Variants in SEMA3C observed in about 807,000 individuals in gnomAD.
SEMA3C encodes the protein semaphorin 3C.
SEMA3C carries 47 observed loss-of-function variants against 89.4 expected under a neutral mutation model. The ratio of observed to expected loss-of-function variants is 0.53; its 90% CI spans 0.42 to 0.67. The LOEUF (loss-of-function observed/expected upper bound fraction) is 0.67. Among genes scored for constraint, SEMA3C ranks in the 30% least tolerant of loss-of-function variants. The pLI is 0.00. For missense variants in SEMA3C, 839 were observed against 929.1 expected (o/e 0.90, Z 1.26); for synonymous variants, 310 against 320.2 (o/e 0.97, Z 0.34).
chr7:80,771,260 A>G (rs1788425871), intron 12 of SEMA3C, among the ~76,000 whole-genome samples: 1 of 152,140 alleles, frequency 6.6e-6, no homozygotes, highest in South Asian at 2.1e-4. Flanking sequence ...CTGGCCCTCA[A>G]TTTTCTCTTC....
At chr7:80,789,578 C>T in intron 11 of SEMA3C, 50 bp from the exon 12 acceptor site, 1 of 1,319,524 alleles carries the variant, frequency 7.6e-7, no homozygotes. Context: ...TTGTCTTGTT[C>T]TAGTAATAAT....
At chr7:80,884,699 A>T (rs532674340) in intron 2 of SEMA3C, among the ~76,000 whole-genome samples, 1 of 152,336 alleles carries the variant, frequency 6.6e-6, no homozygotes, top group Admixed American at 6.5e-5. Flanking sequence ...ACCAAGATGT[A>T]AACTCTAAAC....
intron 2 of SEMA3C, among the ~76,000 whole-genome samples, chr7:80,873,164 G>T (rs142913081): frequency 4.1e-4 from 62 of 152,262 alleles, no homozygotes; most frequent in Non-Finnish European, 8.2e-4. Flanking sequence ...AAAGCGTACA[G>T]GGCCCAAAGT....
At position 80,789,346 on chromosome 7, in the gene SEMA3C, G is replaced by A. The variant is rs183737656; in HGVS notation, c.1314C>T (p.Asn438=). The change falls in exon 12 of 18, where the codon AAC becomes AAT. Residue 438 remains asparagine (N), a synonymous_variant. Transcript: ENST00000265361. ...GGACATGGTATCTCCCATCAGCAGC[G>A]TTCACTCGATCCACAGCTATCTTTG... ...KYTKIAVDRV[N]AADGRYHVLF... The A allele has an allele frequency of 2.7e-5, 44 of 1,613,900 alleles. No individual in the cohort carries two copies. The highest frequency in any genetic ancestry group is 3.3e-4 in the Middle Eastern group (2 of 6,060).
upstream of SEMA3C, chr7:80,919,066 C>T: frequency 2.0e-6 from 2 of 985,258 alleles, no homozygotes; most frequent in Non-Finnish European, 2.4e-6. Flanking sequence ...GGAAAGTGGC[C>T]GGAGGCCGGG....
intron 2 of SEMA3C, among the ~76,000 whole-genome samples, chr7:80,854,480 G>C (rs1052641469): frequency 7.2e-5 from 11 of 152,152 alleles, no homozygotes; most frequent in Non-Finnish European, 1.3e-4. Context: ...CTCAGTTCTG[G>C]AGCCTCACTA....
intron 2 of SEMA3C, among the ~76,000 whole-genome samples, chr7:80,911,054 C>G (rs948289514): frequency 6.6e-6 from 1 of 151,842 alleles, no homozygotes. Context: ...AGAGGTAATT[C>G]CCCTCATCTT....
intron 12 of SEMA3C, among the ~76,000 whole-genome samples, chr7:80,767,442 A>C (rs577439977): frequency 2.8e-4 from 42 of 152,208 alleles, no homozygotes; most frequent in Non-Finnish European, 5.3e-4. Flanking sequence ...ATGGTTTCAC[A>C]AGTCATGTAA....
At chr7:80,779,789 C>G (rs940286627) in intron 12 of SEMA3C, among the ~76,000 whole-genome samples, 2 of 152,068 alleles carry the variant, frequency 1.3e-5, no homozygotes, top group Admixed American at 6.6e-5. Flanking sequence ...TATGTCAATA[C>G]CAAGATTATG....
intron 2 of SEMA3C, among the ~76,000 whole-genome samples, chr7:80,848,463 C>A (rs1207609712): frequency 6.6e-6 from 1 of 152,146 alleles, no homozygotes; most frequent in African/African-American, 2.4e-5. Flanking sequence ...AACTTGACCA[C>A]CTTCATGCCT....
intron 2 of SEMA3C, among the ~76,000 whole-genome samples, chr7:80,853,322 T>C (rs1790561105): frequency 6.6e-6 from 1 of 152,170 alleles, no homozygotes; most frequent in Admixed American, 6.5e-5. Context: ...CACTCCCATG[T>C]ATACAGCAGC....
At chr7:80,813,619 T>G (rs763578031) in intron 5 of SEMA3C, among the ~76,000 whole-genome samples, 1 of 152,232 alleles carries the variant, frequency 6.6e-6, no homozygotes, top group Non-Finnish European at 1.5e-5. Flanking sequence ...ATTCTTTGGA[T>G]TTCATTGCTT....
chr7:80,769,774 G>A (rs557229615), intron 12 of SEMA3C, among the ~76,000 whole-genome samples: 7 of 145,828 alleles, frequency 4.8e-5, no homozygotes, highest in South Asian at 2.2e-4. Flanking sequence ...CATGAGAATC[G>A]CTCGAACCTG....
At chr7:80,749,920 AC>A (rs1474573827) in intron 16 of SEMA3C, among the ~76,000 whole-genome samples, 1 of 152,168 alleles carries the variant, frequency 6.6e-6, no homozygotes, top group African/African-American at 2.4e-5. Flanking sequence ...TACCACTATG[AC>A]AACTACTACT....
At chr7:80,838,959 T>C (rs1445899118) in intron 2 of SEMA3C, among the ~76,000 whole-genome samples, 1 of 152,172 alleles carries the variant, frequency 6.6e-6, no homozygotes, top group Non-Finnish European at 1.5e-5. Flanking sequence ...TTGTGTTGTG[T>C]AATTCAATTA....
At chr7:80,823,060 T>A (rs966823872) in intron 4 of SEMA3C, among the ~76,000 whole-genome samples, 11 of 152,224 alleles carry the variant, frequency 7.2e-5, no homozygotes, top group African/African-American at 2.7e-4. Context: ...ATAAAGCTGC[T>A]AACATTATAC....
chr7:80,748,906 T>C lies in SEMA3C; in HGVS notation c.1834A>G (p.Arg612Gly), dbSNP rs748924520. The C allele has an allele frequency of 3.1e-6, 5 of 1,611,538 alleles. No homozygotes were observed. Among genetic ancestry groups the C allele is most frequent in the Non-Finnish European group, 4.2e-6 (5 of 1,178,942 alleles). ...TGTGCTGCTTTACTCACCTCTTTCCTCCTGTCTTTGTCTTTCTGTAACAGC... is the reference window on the plus strand; with the variant it reads ...TGTGCTGCTTTACTCACCTCTTTCCCCCTGTCTTTGTCTTTCTGTAACAGC... ...KWLLQKDKDR[R>G]KEVKLNERII... Residue 612 changes from arginine (R) to glycine (G), a missense_variant, in exon 17 of 18, where the codon AGG becomes GGG. Coordinates refer to ENST00000265361, the MANE Select transcript of SEMA3C (RefSeq NM_006379.5).
intron 15 of SEMA3C, among the ~76,000 whole-genome samples, chr7:80,754,965 T>TTTGTTTTTTTTTTTTTTTTTTG (rs781275156): frequency 1.9e-5 from 1 of 52,950 alleles, no homozygotes; most frequent in African/African-American, 6.4e-5. Context: ...TTGTTTTTTT[T>TTTGTTTTTTTTTTTTTTTTTTG]TTTTTTGTAT....
chr7:80,867,612 G>A (rs1790958273), intron 2 of SEMA3C, among the ~76,000 whole-genome samples: 1 of 152,172 alleles, frequency 6.6e-6, no homozygotes, highest in Admixed American at 6.5e-5. Flanking sequence ...CAGGCAGGGT[G>A]CATGCCATAG....
Sources: allele counts gnomAD v4.1 joint callset (sites outside exome capture counted in the v4.1 genomes callset), GRCh38; gene constraint gnomAD v4.1.1; transcripts MANE v1.5; gene names NCBI Gene and HGNC (gene_info 2026-07-23, HGNC 2026-07-21).